Variants in TFEC observed in about 807,000 individuals in gnomAD.
TFEC encodes the protein class E basic helix-loop-helix protein 34.
Under a neutral mutation model 41.6 loss-of-function variants are expected in TFEC, and 31 were observed. That is an observed-to-expected ratio of 0.74 (90% CI 0.56 to 1.01). The LOEUF (loss-of-function observed/expected upper bound fraction) is 1.01. Ranked by LOEUF, TFEC falls within the 50% of genes least tolerant of loss-of-function variation. The pLI, the probability that TFEC is intolerant of heterozygous loss-of-function variation, is 0.00. For missense variants in TFEC, 402 were observed against 404.1 expected (o/e 0.99, Z 0.04); for synonymous variants, 143 against 140.6 (o/e 1.02, Z -0.12).
intron 3 of TFEC, among the ~76,000 whole-genome samples, chr7:115,961,495 T>TA (rs35435768): frequency 6.6e-6 from 1 of 151,272 alleles, no homozygotes; most frequent in East Asian, 2.0e-4. Flanking sequence ...ATCATTCTTT[T>TA]AAAAAAAGGG....
At chr7:115,994,140 C>A (rs903848723) in intron 1 of TFEC, among the ~76,000 whole-genome samples, 113 of 152,090 alleles carry the variant, frequency 7.4e-4, no homozygotes, top group Admixed American at 2.0e-3. Flanking sequence ...TGCTGGGAAA[C>A]CTGGCTAGCC....
chr7:116,027,228 C>T (rs946033398), intron 1 of TFEC, among the ~76,000 whole-genome samples: 1 of 151,954 alleles, frequency 6.6e-6, no homozygotes, highest in Non-Finnish European at 1.5e-5. Context: ...GGAAAGATGC[C>T]GCATAGAATG....
intron 1 of TFEC, among the ~76,000 whole-genome samples, chr7:116,117,940 G>A (rs558655295): frequency 2.0e-5 from 3 of 151,838 alleles, no homozygotes; most frequent in South Asian, 2.1e-4. Flanking sequence ...CAAGGCACTC[G>A]TATACATTGT....
intron 3 of TFEC, among the ~76,000 whole-genome samples, chr7:116,058,425 G>GAAAAT (rs1796478442): frequency 6.6e-6 from 1 of 151,592 alleles, no homozygotes; most frequent in South Asian, 2.1e-4. Flanking sequence ...TTAGAAAATA[G>GAAAAT]AAAATTGTAC....
intron 1 of TFEC, among the ~76,000 whole-genome samples, chr7:116,139,702 T>C (rs1798502038): frequency 6.6e-6 from 1 of 152,166 alleles, no homozygotes; most frequent in African/African-American, 2.4e-5. Context: ...GAGATTATAT[T>C]TGTGTCCTGG....
In TFEC at chr7:115,984,467, G is replaced by A; in HGVS notation, c.-26C>T. 2 of 1,614,044 alleles carry A rather than the reference G, an allele frequency of 1.2e-6. No individual in the cohort carries two copies. Among genetic ancestry groups the A allele is most frequent in the Non-Finnish European group, 1.7e-6 (2 of 1,179,968 alleles). On this transcript the variant is annotated 5_prime_UTR_variant, in exon 2 of 8. Transcript: ENST00000265440. Reference sequence around the variant, plus strand: ...GAAAGAGTTTACTTTCTGTCTCTGGGCTTTCTGTAGCTGAGGCCTTGCAGA... The same window carrying A: ...GAAAGAGTTTACTTTCTGTCTCTGGACTTTCTGTAGCTGAGGCCTTGCAGA...
chr7:116,091,650 T>C (rs1584504695), intron 3 of TFEC, among the ~76,000 whole-genome samples: 1 of 152,132 alleles, frequency 6.6e-6, no homozygotes, highest in African/African-American at 2.4e-5. Context: ...TTGAGTCAAT[T>C]ATACTCTAGA....
intron 1 of TFEC, among the ~76,000 whole-genome samples, chr7:116,139,490 C>T (rs1798498075): frequency 6.6e-6 from 1 of 152,200 alleles, no homozygotes; most frequent in Non-Finnish European, 1.5e-5. Context: ...CACCTTTCAT[C>T]ACACTAGAAT....
chr7:116,104,523 G>A (rs914215396), intron 3 of TFEC, among the ~76,000 whole-genome samples: 5 of 152,102 alleles, frequency 3.3e-5, no homozygotes, highest in South Asian at 2.1e-4. Context: ...GCTCAAGTCC[G>A]AACCATGCAT....
intron 1 of TFEC, among the ~76,000 whole-genome samples, chr7:116,143,516 G>C (rs1481297162): frequency 6.6e-6 from 1 of 152,146 alleles, no homozygotes; most frequent in African/African-American, 2.4e-5. Flanking sequence ...TCAGTCCAGG[G>C]TTTCCCAGCT....
intron 3 of TFEC, among the ~76,000 whole-genome samples, chr7:115,958,748 G>A (rs190347202): frequency 1.3e-5 from 2 of 151,770 alleles, no homozygotes; most frequent in Admixed American, 1.3e-4. Context: ...TTCTGATCTT[G>A]GTTATTGTCT....
intron 1 of TFEC, among the ~76,000 whole-genome samples, chr7:115,999,741 C>A (rs1409577600): frequency 6.8e-6 from 1 of 147,272 alleles, no homozygotes; most frequent in African/African-American, 2.5e-5. Context: ...GAGAAATGGA[C>A]AAATTCCTAG....
In TFEC at chr7:116,096,599, T is replaced by C. The variant is rs1412844728; in HGVS notation, c.198+14109A>G. Among the ~76,000 whole-genome samples the C allele has an allele frequency of 3.3e-5, 5 of 152,108 alleles. No homozygotes were observed. The East Asian group carries it at 9.6e-4, about 29-fold the overall frequency. ...GTCCTCTTACTATGCGTTTTTTTTT[T>C]CCACTTGTATATCTTCTTTTGTAAA... On this transcript the variant is annotated intron_variant, in intron 3 of 8. Transcript: ENST00000484212.
intron 2 of TFEC, among the ~76,000 whole-genome samples, chr7:115,981,200 T>C (rs915803622): frequency 2.0e-4 from 30 of 152,052 alleles, no homozygotes; most frequent in Non-Finnish European, 4.1e-4. Flanking sequence ...CACTTATGCT[T>C]GTCTACTCTG....
chr7:115,996,127 C>CACAAGTCTGGCTGACTTTA (rs1462383412), intron 1 of TFEC, among the ~76,000 whole-genome samples: 1 of 152,072 alleles, frequency 6.6e-6, no homozygotes, highest in Non-Finnish European at 1.5e-5. Flanking sequence ...GCTTGTGCCA[C>CACAAGTCTGGCTGACTTTA]CTATCCCCCA....
intron 1 of TFEC, among the ~76,000 whole-genome samples, chr7:116,000,096 C>T (rs546443636): frequency 6.6e-6 from 1 of 152,106 alleles, no homozygotes; most frequent in South Asian, 2.1e-4. Context: ...CTAAATTCAA[C>T]AACACATTAA....
intron 1 of TFEC, among the ~76,000 whole-genome samples, chr7:115,999,504 A>C (rs538831097): frequency 1.3e-5 from 2 of 152,106 alleles, no homozygotes; most frequent in Admixed American, 1.3e-4. Context: ...GTTTAAATGA[A>C]AGAAACCATA....
chr7:116,129,120 T>G lies in TFEC; in HGVS notation c.-68-17082A>C, dbSNP rs115359738. Among the ~76,000 whole-genome samples, 272 of 152,320 alleles carry G rather than the reference T, an allele frequency of 1.8e-3. 1 individual carries two copies. The highest frequency in any genetic ancestry group is 6.2e-3 in the African/African-American group (257 of 41,562). On this transcript the variant is annotated intron_variant, in intron 1 of 8. Transcript: ENST00000484212. ...GGTAAAGACCAATAAACCAGAAATC[T>G]ACTATCATTGGAGATTTGGAAGAAA... is the stretch of plus-strand genomic sequence containing the variant.
intron 3 of TFEC, among the ~76,000 whole-genome samples, chr7:116,050,976 G>A (rs985092793): frequency 4.6e-5 from 7 of 152,178 alleles, no homozygotes; most frequent in African/African-American, 1.7e-4. Flanking sequence ...CATAAAAAAG[G>A]ATGAGTTCAT....
Sources: gnomAD v4.1 joint callset for allele counts (sites outside exome capture counted in the v4.1 genomes callset) on GRCh38, gnomAD v4.1.1 for gene constraint, MANE v1.5 for transcripts, NCBI Gene and HGNC (gene_info 2026-07-23, HGNC 2026-07-21) for gene names.